Variants in CELA3B observed in about 807,000 individuals in gnomAD.
The protein encoded by CELA3B is chymotrypsin-like elastase family member 3B.
Under a neutral mutation model 37.2 loss-of-function variants are expected in CELA3B, and 34 were observed. That is an observed-to-expected ratio of 0.91 (90% CI 0.70 to 1.22). The LOEUF (loss-of-function observed/expected upper bound fraction) is 1.22. CELA3B is among the 50% of genes most tolerant of loss of function. The probability of loss-of-function intolerance (pLI) is 0.00; values close to 1 mark genes in which losing one functional copy is unlikely to be tolerated. For missense variants in CELA3B, 340 were observed against 363.1 expected (o/e 0.94, Z 0.52); for synonymous variants, 127 against 143.5 (o/e 0.89, Z 0.82).
In CELA3B at chr1:21,988,480, A is replaced by T. The variant is rs1287538477; in HGVS notation, c.796-782A>T. ...GTGCTGCATGGCTGTAATCTCAGCT[A>T]CTTGGGAGGCTGAGGTAGAAGAATT... On this transcript the variant is annotated intron_variant, in intron 7 of 7. Coordinates refer to ENST00000337107, the MANE Select transcript of CELA3B (RefSeq NM_007352.4). Among the ~76,000 whole-genome samples, 4 of 151,480 alleles carry T rather than the reference A, an allele frequency of 2.6e-5. No homozygotes were observed. The East Asian group carries it at 7.8e-4, about 29-fold the overall frequency.
At chr1:21,996,718 G>A (rs529088504) in intron 4 of CELA3B, among the ~76,000 whole-genome samples, 21 of 150,996 alleles carry the variant, frequency 1.4e-4, no homozygotes, top group South Asian at 2.1e-4. Flanking sequence ...GGCACTGGCC[G>A]TGGGGAAAGG....
chr1:21,995,147 T>TTC (rs1644885213), intron 4 of CELA3B, among the ~76,000 whole-genome samples: 1 of 113,626 alleles, frequency 8.8e-6, no homozygotes, highest in Non-Finnish European at 1.6e-5. Flanking sequence ...TTTCTTTCTT[T>TTC]TTTTTTTTTT....
intron 1 of CELA3B, 100 bp downstream of exon 1, chr1:21,977,182 T>C: frequency 1.3e-6 from 2 of 1,555,322 alleles, no homozygotes; most frequent in Non-Finnish European, 1.8e-6. Context: ...CTATGCCTGG[T>C]TCCACAGGAG....
At chr1:21,991,405 A>C (rs1407676252), downstream of CELA3B, among the ~76,000 whole-genome samples, 1 of 148,532 alleles carries the variant, frequency 6.7e-6, no homozygotes, top group Non-Finnish European at 1.5e-5. Context: ...GTGTAATCTC[A>C]GCTCACTGCA....
At chr1:21,995,147 T>C (rs1448586025) in intron 4 of CELA3B, among the ~76,000 whole-genome samples, 1 of 113,626 alleles carries the variant, frequency 8.8e-6, no homozygotes, top group Non-Finnish European at 1.6e-5. Context: ...TTTCTTTCTT[T>C]TTTTTTTTTT....
chr1:21,982,880 C>A (rs1299814066), intron 4 of CELA3B, among the ~76,000 whole-genome samples: 1 of 151,956 alleles, frequency 6.6e-6, no homozygotes, highest in African/African-American at 2.4e-5. Flanking sequence ...GGGGTTTCAC[C>A]GTGTTAGCCA....
chr1:21,995,117 T>C (rs1369197898), intron 4 of CELA3B, among the ~76,000 whole-genome samples: 1 of 148,978 alleles, frequency 6.7e-6, no homozygotes, highest in Non-Finnish European at 1.5e-5. Flanking sequence ...CTGTCCCCAA[T>C]ATTGGCTCTC....
chr1:21,987,735 C>T (rs1161225170), intron 7 of CELA3B: 1 of 149,768 alleles, frequency 6.7e-6, no homozygotes, highest in Non-Finnish European at 1.5e-5. Context: ...CTGTGAATAG[C>T]CACTGTACTC....
intron 3 of CELA3B, 42 bp downstream of exon 3, chr1:21,980,963 T>C (rs574149304): frequency 1.9e-6 from 3 of 1,613,940 alleles, no homozygotes; most frequent in Non-Finnish European, 2.5e-6. Flanking sequence ...CCCGGGCAGC[T>C]GGGGAGGGTG....
chr1:21,997,350 C>CAAA (rs34966019), intron 4 of CELA3B, among the ~76,000 whole-genome samples: 3 of 117,348 alleles, frequency 2.6e-5, no homozygotes, highest in African/African-American at 6.4e-5. Flanking sequence ...CGACTCATCT[C>CAAA]AAAAAAAAAA....
chr1:21,983,931 T>C, intron 5 of CELA3B, 101 bp downstream of exon 5: 1 of 1,351,074 alleles, frequency 7.4e-7, no homozygotes, highest in Non-Finnish European at 1.0e-6. Context: ...CCTTGTACTT[T>C]TCTCCCATTT....
chr1:21,978,400 T>C lies in CELA3B; in HGVS notation c.75T>C (p.Pro25=). 1 of 1,614,102 alleles carries C rather than the reference T, an allele frequency of 6.2e-7. No individual in the cohort carries two copies. The highest frequency in any genetic ancestry group is 8.5e-7 in the Non-Finnish European group (1 of 1,179,936). Residue 25 remains proline (P), a synonymous_variant, in exon 2 of 8, where the codon CCT becomes CCC. Coordinates refer to ENST00000337107, the MANE Select transcript of CELA3B (RefSeq NM_007352.4). The part of the protein sequence containing the change: ...ASGYGPPSSR[P]SSRVVNGEDA... Reference sequence around the variant, plus strand: ...GCTATGGCCCACCTTCCTCTCGCCCTTCCAGCCGCGTTGTCAATGGTGAGG... The same window carrying C: ...GCTATGGCCCACCTTCCTCTCGCCCCTCCAGCCGCGTTGTCAATGGTGAGG...
intron 7 of CELA3B, among the ~76,000 whole-genome samples, chr1:21,988,235 C>CA (rs74854217): frequency 2.7e-5 from 4 of 147,064 alleles, no homozygotes; most frequent in African/African-American, 1.0e-4. Context: ...AACAAACAAA[C>CA]AAAAAAACAG....
chr1:21,978,787 A>G (rs1406833637), intron 2 of CELA3B, among the ~76,000 whole-genome samples: 1 of 152,104 alleles, frequency 6.6e-6, no homozygotes, highest in East Asian at 1.9e-4. Context: ...ATGATACAAC[A>G]GGGCTATGGG....
chr1:21,980,150 G>A (rs1218181440), intron 2 of CELA3B, among the ~76,000 whole-genome samples: 20 of 126,900 alleles, frequency 1.6e-4, no homozygotes, highest in Admixed American at 1.1e-3. Flanking sequence ...CTGTGCTTCA[G>A]AAGGCTCAAG....
At chr1:21,991,367 G>C (rs185494633), downstream of CELA3B, among the ~76,000 whole-genome samples, 317 of 145,012 alleles carry the variant, frequency 2.2e-3, 12 homozygotes, top group African/African-American at 8.1e-3. Context: ...TTGGAGTCTC[G>C]CTCTGTCGCC....
chr1:21,996,938 GA>G (rs1644893120), intron 4 of CELA3B, among the ~76,000 whole-genome samples: 1 of 151,454 alleles, frequency 6.6e-6, no homozygotes, highest in East Asian at 1.9e-4. Context: ...TGGTAGCTGG[GA>G]AATGTTGACC....
chr1:21,992,828 T>G (rs1406327122), downstream of CELA3B, among the ~76,000 whole-genome samples: 3 of 150,580 alleles, frequency 2.0e-5, no homozygotes, highest in Non-Finnish European at 4.4e-5. Context: ...AGCTGGGTGG[T>G]GTGACACATG....
At chr1:21,980,956 G>C (rs761070922) in intron 3 of CELA3B, 35 bp downstream of exon 3, 1 of 1,613,952 alleles carries the variant, frequency 6.2e-7, no homozygotes, top group East Asian at 2.2e-5. Context: ...CTGTGGCCCC[G>C]GGCAGCTGGG....
Sources: allele counts gnomAD v4.1 joint callset (sites outside exome capture counted in the v4.1 genomes callset), GRCh38; gene constraint gnomAD v4.1.1; transcripts MANE v1.5; gene names NCBI Gene and HGNC (gene_info 2026-07-23, HGNC 2026-07-21).